Variants in NEB observed in about 807,000 individuals in gnomAD.
NEB encodes the protein nemaline myopathy type 2.
Under a neutral mutation model 952.2 loss-of-function variants are expected in NEB, and 512 were observed. The observed-to-expected ratio is 0.54, with a 90% CI of 0.50 to 0.58. NEB has a LOEUF of 0.58. NEB is among the 20% of genes least tolerant of loss of function. NEB has a pLI of 0.00. For missense variants in NEB, 8,428 were observed against 9,231.1 expected (o/e 0.91, Z 3.56); for synonymous variants, 2,900 against 3,149.8 (o/e 0.92, Z 2.66).
At position 151,531,058 on chromosome 2, in the gene NEB, T is replaced by G; in HGVS notation, c.21566A>C (p.Tyr7189Ser). 1 of 1,613,624 alleles carries G rather than the reference T, an allele frequency of 6.2e-7. No individual in the cohort carries two copies. Among genetic ancestry groups the G allele is most frequent in the Middle Eastern group, 1.6e-4 (1 of 6,062 alleles). The change falls in exon 145 of 182, where the codon TAC becomes TCC. Residue 7189 changes from tyrosine (Y) to serine (S), a missense_variant. Tyr to Ser is a moderately radical substitution (Grantham distance 144). Around this residue, in one of 11 missense-constraint regions of NEB, gnomAD observed 3,374 missense variants for 3,651.5 expected, o/e 0.92. Coordinates refer to ENST00000397345, the MANE Select transcript of NEB (RefSeq NM_001164508.2). ...LEYNKAKPRGYTTIHDTPMLL... is the reference protein window; with the variant it reads ...LEYNKAKPRGSTTIHDTPMLL... ...CATGGGTGTGTCGTGGATTGTGGTGTAGCCTCTGGGTTTGGCCTTGTTGTA... is the reference window on the plus strand; with the variant it reads ...CATGGGTGTGTCGTGGATTGTGGTGGAGCCTCTGGGTTTGGCCTTGTTGTA...
intron 10 of NEB, among the ~76,000 whole-genome samples, chr2:151,713,512 C>T (rs1488477137): frequency 1.3e-5 from 2 of 152,074 alleles, no homozygotes; most frequent in Non-Finnish European, 2.9e-5. Flanking sequence ...TGCTGTGTAA[C>T]AATATGTCAC....
At chr2:151,601,324 G>C (rs1194092549) in intron 88 of NEB, among the ~76,000 whole-genome samples, 1 of 142,292 alleles carries the variant, frequency 7.0e-6, no homozygotes, top group African/African-American at 2.7e-5. Context: ...GGCCAGGCTG[G>C]TCTCGAACTC....
chr2:151,628,359 C>T (rs535537123), intron 68 of NEB, among the ~76,000 whole-genome samples: 1 of 152,290 alleles, frequency 6.6e-6, no homozygotes, highest in African/African-American at 2.4e-5. Flanking sequence ...GGATTATATT[C>T]CCATACTACA....
chr2:151,543,949 T>A (rs1210087641), intron 135 of NEB, among the ~76,000 whole-genome samples: 1 of 152,208 alleles, frequency 6.6e-6, no homozygotes, highest in Non-Finnish European at 1.5e-5. Context: ...GTCGGTAACT[T>A]CTTTTGGCCA....
intron 13 of NEB, among the ~76,000 whole-genome samples, chr2:151,705,120 C>T (rs1384365817): frequency 6.6e-6 from 1 of 152,124 alleles, no homozygotes; most frequent in Non-Finnish European, 1.5e-5. Flanking sequence ...ATCTCCCTCC[C>T]TCCTATACCT....
intron 13 of NEB, among the ~76,000 whole-genome samples, chr2:151,701,315 T>C (rs1418246319): frequency 6.6e-6 from 1 of 151,956 alleles, no homozygotes. Context: ...AGGATATTGG[T>C]CTAAAATTCT....
At chr2:151,563,356 T>C (rs1277922328) in intron 119 of NEB, among the ~76,000 whole-genome samples, 2 of 152,140 alleles carry the variant, frequency 1.3e-5, no homozygotes, top group African/African-American at 2.4e-5. Context: ...AATAGTGACC[T>C]TGATGCTTTT....
rs1212103798 is a variant in NEB, at chr2:151,642,654, C to T, written c.8293G>A (p.Ala2765Thr). ...CGCATGTCATAACCTTTCCTCTTGG[C>T]TTCTTCTAGGCCAAGCTTATACAAT... ...EKLYKLGLEEAKRKGYDMRVD... is the reference protein window; with the variant it reads ...EKLYKLGLEETKRKGYDMRVD... The change falls in exon 60 of 182, where the codon GCC becomes ACC. Residue 2765 changes from alanine (A) to threonine (T), a missense_variant. Ala to Thr is a moderately conservative substitution (Grantham distance 58). This residue lies in a region of NEB where 1,772 missense variants were observed against 1,960.3 expected (regional missense o/e 0.90). Transcript: ENST00000397345. 1 of 1,613,930 alleles carries T rather than the reference C, an allele frequency of 6.2e-7. No homozygotes were observed. The highest frequency in any genetic ancestry group is 2.2e-5 in the East Asian group (1 of 44,864).
chr2:151,639,916 T>C lies in NEB; in HGVS notation c.8830A>G (p.Ser2944Gly). 1 of 1,614,012 alleles carries C rather than the reference T, an allele frequency of 6.2e-7. No individual in the cohort carries two copies. The highest frequency in any genetic ancestry group is 8.5e-7 in the Non-Finnish European group (1 of 1,179,882). The change falls in exon 62 of 182, where the codon AGT becomes GGT. Residue 2944 changes from serine to glycine, a missense_variant. Transcript: ENST00000397345. ...RQPPDRFKFTSVTDSLEQVLA... is the reference protein window; with the variant it reads ...RQPPDRFKFTGVTDSLEQVLA... ...ACTTGTTCCAGAGAGTCAGTCACACTGGTAAATTTGAATCTGTCTGGAGGC... is the reference window on the plus strand; with the variant it reads ...ACTTGTTCCAGAGAGTCAGTCACACCGGTAAATTTGAATCTGTCTGGAGGC...
chr2:151,703,198 T>C (rs1406185456), intron 13 of NEB, among the ~76,000 whole-genome samples: 2 of 136,480 alleles, frequency 1.5e-5, no homozygotes, highest in East Asian at 4.2e-4. Context: ...CCCACTGTCT[T>C]CTGGCTTGTA....
intron 81 of NEB, 135 bp downstream of exon 81, chr2:151,609,674 G>A: frequency 1.5e-6 from 1 of 662,310 alleles, no homozygotes; most frequent in Non-Finnish European, 2.4e-6. Context: ...ATTAAACAAT[G>A]TGAATGGTAC....
chr2:151,547,684 C>A lies in NEB; in HGVS notation c.20212G>T (p.Asp6738Tyr). ...KLKDKIHTTP[D>Y]TPEIRQVKKT... Reference sequence around the variant, plus strand: ...TTGACTTGGCGGATCTCAGGGGTATCGGGAGTTGTATGGATCTTGTCTTTC... The same window carrying A: ...TTGACTTGGCGGATCTCAGGGGTATAGGGAGTTGTATGGATCTTGTCTTTC... The change falls in exon 132 of 182, where the codon GAT becomes TAT. Residue 6738 changes from aspartate to tyrosine, a missense_variant. Transcript: ENST00000397345. 6.2e-7 allele frequency: 1 copy of A among 1,613,738 alleles called. No homozygotes were observed. Among genetic ancestry groups the A allele is most frequent in the Non-Finnish European group, 8.5e-7 (1 of 1,179,812 alleles).
chr2:151,621,581 G>A (rs2098417311), intron 71 of NEB, among the ~76,000 whole-genome samples: 1 of 152,170 alleles, frequency 6.6e-6, no homozygotes, highest in African/African-American at 2.4e-5. Flanking sequence ...AGATTTAGGA[G>A]TCAAAACTGC....
chr2:151,565,354 T>G, intron 116 of NEB, 147 bp downstream of exon 116: 3 of 703,470 alleles, frequency 4.3e-6, no homozygotes, highest in Non-Finnish European at 7.5e-6. Context: ...GCTAGTGACT[T>G]TTAAGACATA....
chr2:151,518,365 T>G lies in NEB; in HGVS notation c.22753A>C (p.Asn7585His). 1 of 1,612,700 alleles carries G rather than the reference T, an allele frequency of 6.2e-7. No individual in the cohort carries two copies. Among genetic ancestry groups the G allele is most frequent in the East Asian group, 2.2e-5 (1 of 44,862 alleles). ...SKGHYHTIPDNLEQLHLKEAT... is the reference protein window; with the variant it reads ...SKGHYHTIPDHLEQLHLKEAT... Reference sequence around the variant, plus strand: ...TCTTTTAGGTGAAGCTGCTCCAGATTATCGGGTATGGTGTGGTAGTGGCCT... The same window carrying G: ...TCTTTTAGGTGAAGCTGCTCCAGATGATCGGGTATGGTGTGGTAGTGGCCT... The change falls in exon 156 of 182, where the codon AAT becomes CAT. Residue 7585 changes from asparagine to histidine, a missense_variant. Coordinates refer to ENST00000397345, the MANE Select transcript of NEB (RefSeq NM_001164508.2).
At chr2:151,499,592 C>T (rs905943117) in intron 168 of NEB, 45 of 402,364 alleles carry the variant, frequency 1.1e-4, no homozygotes, top group Non-Finnish European at 3.1e-5. Context: ...ATTTGATATT[C>T]ATCATCTTTT....
intron 76 of NEB, among the ~76,000 whole-genome samples, chr2:151,615,117 G>C (rs979335054): frequency 2.6e-5 from 4 of 152,166 alleles, no homozygotes; most frequent in African/African-American, 9.7e-5. Context: ...CTATGAGTCA[G>C]TTTATCTACC....
intron 124 of NEB, among the ~76,000 whole-genome samples, chr2:151,559,620 A>T (rs1430980280): frequency 6.6e-6 from 1 of 152,204 alleles, no homozygotes; most frequent in Non-Finnish European, 1.5e-5. Context: ...CATAAAAAAG[A>T]TGAGTTCATG....
At chr2:151,651,520 T>G (rs561865407) in intron 52 of NEB, among the ~76,000 whole-genome samples, 1 of 152,342 alleles carries the variant, frequency 6.6e-6, no homozygotes, top group African/African-American at 2.4e-5. Context: ...ATATCTTGCA[T>G]GTGCAGATGG....
Sources: gnomAD v4.1 joint callset for allele counts (sites outside exome capture counted in the v4.1 genomes callset) on GRCh38, gnomAD v4.1.1 for gene constraint, gnomAD v4.1.1 regional missense constraint, MANE v1.5 for transcripts, NCBI Gene and HGNC (gene_info 2026-07-23, HGNC 2026-07-21) for gene names.